Variants in MYO9A observed in about 807,000 individuals in gnomAD.
MYO9A encodes myosin IXA, also known as unconventional myosin-IXa.
In MYO9A, 103 loss-of-function variants were observed where a neutral mutation model predicts 293.3. The observed-to-expected ratio is 0.35, with a 90% CI of 0.30 to 0.41. The LOEUF is 0.41. MYO9A is among the 10% of genes least tolerant of loss of function. The probability of loss-of-function intolerance (pLI) is 1.00; values close to 1 mark genes in which losing one functional copy is unlikely to be tolerated. For synonymous variants in MYO9A, 1,001 were observed against 1,035.7 expected (o/e 0.97, Z 0.64); for missense variants, 2,685 against 3,033.0 (o/e 0.89, Z 2.69).
intron 1 of MYO9A, among the ~76,000 whole-genome samples, chr15:72,086,288 G>T (rs567426884): frequency 2.3e-4 from 35 of 152,306 alleles, no homozygotes; most frequent in African/African-American, 8.4e-4. Context: ...GGTGTTAGCC[G>T]GGTAGTGCTG....
chr15:71,913,666 C>T (rs1191659686), intron 19 of MYO9A, among the ~76,000 whole-genome samples: 1 of 152,022 alleles, frequency 6.6e-6, no homozygotes, highest in Non-Finnish European at 1.5e-5. Flanking sequence ...ATGTTAGACA[C>T]TGTGTTTTAC....
intron 19 of MYO9A, among the ~76,000 whole-genome samples, chr15:71,909,413 GGTGTTGTC>G (rs1306979695): frequency 3.3e-5 from 5 of 152,148 alleles, no homozygotes; most frequent in African/African-American, 1.2e-4. Flanking sequence ...ACCAGCATTT[GGTGTTGTC>G]ATTGTTTTGG....
intron 15 of MYO9A, among the ~76,000 whole-genome samples, chr15:71,945,381 T>C (rs1483076927): frequency 2.0e-5 from 3 of 152,136 alleles, no homozygotes; most frequent in East Asian, 1.9e-4. Context: ...CAGAAGGAAA[T>C]TGCAGTCTTT....
chr15:71,956,796 A>G (rs2059207871), intron 14 of MYO9A, among the ~76,000 whole-genome samples: 1 of 149,978 alleles, frequency 6.7e-6, no homozygotes, highest in Non-Finnish European at 1.5e-5. Context: ...ATATGTATAT[A>G]TGTATGCTAT....
chr15:72,102,452 CCT>C (rs1376052118), intron 1 of MYO9A, among the ~76,000 whole-genome samples: 3 of 148,590 alleles, frequency 2.0e-5, no homozygotes, highest in Admixed American at 6.7e-5. Flanking sequence ...GCCAAATCCC[CCT>C]CTGTGAGAAA....
At chr15:71,963,330 C>A (rs551753553) in intron 13 of MYO9A, among the ~76,000 whole-genome samples, 82 of 152,298 alleles carry the variant, frequency 5.4e-4, no homozygotes, top group African/African-American at 1.9e-3. Flanking sequence ...AGTGATCCAC[C>A]CACCTCGGCC....
At chr15:71,861,654 A>T (rs937322998) in intron 33 of MYO9A, among the ~76,000 whole-genome samples, 3 of 145,366 alleles carry the variant, frequency 2.1e-5, no homozygotes, top group African/African-American at 7.6e-5. Flanking sequence ...ACTATGTGCC[A>T]TCACCGTTTT....
chr15:71,859,485 C>A (rs985067136), intron 34 of MYO9A, among the ~76,000 whole-genome samples: 2 of 152,048 alleles, frequency 1.3e-5, no homozygotes, highest in African/African-American at 4.8e-5. Flanking sequence ...TTGTGGTTTA[C>A]GAAATTAATT....
In MYO9A at chr15:71,917,366, C is replaced by G. The variant is rs181032335; in HGVS notation, c.2563-874G>C. Among the ~76,000 whole-genome samples, 682 of 152,154 alleles carry G rather than the reference C, an allele frequency of 4.5e-3. 4 individuals are homozygous for G. Among genetic ancestry groups the G allele is most frequent in the Non-Finnish European group, 6.7e-3 (456 of 68,016 alleles). On this transcript the variant is annotated intron_variant, in intron 18 of 41. Transcript: ENST00000356056. The stretch of plus-strand genomic sequence containing the variant: ...CCTGGCTAACACAGTGAAACCCCGT[C>G]TCCACTAAAAATACAAAAATTAGGC...
intron 1 of MYO9A, among the ~76,000 whole-genome samples, chr15:72,063,663 G>A (rs542831510): frequency 7.4e-4 from 112 of 152,256 alleles, no homozygotes; most frequent in Middle Eastern, 6.8e-3. Context: ...ACAAATGCTG[G>A]CAAGGATGTA....
In MYO9A at chr15:72,118,018, G is replaced by A; in HGVS notation, c.-410C>T. 1 of 398,024 alleles carries A rather than the reference G, an allele frequency of 2.5e-6. No individual in the cohort carries two copies. Among genetic ancestry groups the A allele is most frequent in the Non-Finnish European group, 4.4e-6 (1 of 225,776 alleles). 24.7% of individuals were successfully genotyped at this position (398,024 alleles called of 1,614,324 possible). A position where few individuals can be genotyped will look rare whatever the true frequency, so the allele number is the denominator to read the frequency against. Reference sequence around the variant, plus strand: ...GCCGCCGCCTCTCGCAGTCCGGGCTGTCCTGTACTCTCTCAACAGACACAG... The same window carrying A: ...GCCGCCGCCTCTCGCAGTCCGGGCTATCCTGTACTCTCTCAACAGACACAG... On this transcript the variant is annotated 5_prime_UTR_variant, in exon 1 of 42. Transcript: ENST00000356056.
chr15:71,945,577 AT>A (rs1366801832), intron 15 of MYO9A, among the ~76,000 whole-genome samples: 2 of 152,020 alleles, frequency 1.3e-5, no homozygotes, highest in Non-Finnish European at 2.9e-5. Context: ...GGATATTACA[AT>A]TTTCTATAAT....
intron 17 of MYO9A, among the ~76,000 whole-genome samples, chr15:71,934,944 T>C (rs898184841): frequency 6.6e-6 from 1 of 152,020 alleles, no homozygotes; most frequent in Non-Finnish European, 1.5e-5. Flanking sequence ...TCACCATTTA[T>C]AGATTTTCTT....
At chr15:72,037,583 G>A (rs1596445475) in intron 2 of MYO9A, among the ~76,000 whole-genome samples, 1 of 152,200 alleles carries the variant, frequency 6.6e-6, no homozygotes, top group Admixed American at 6.5e-5. Context: ...GGCATTTAAG[G>A]AAATCCAAGT....
At chr15:71,861,834 G>A (rs1324022893) in intron 33 of MYO9A, among the ~76,000 whole-genome samples, 4 of 152,092 alleles carry the variant, frequency 2.6e-5, no homozygotes, top group Non-Finnish European at 4.4e-5. Flanking sequence ...AAAGAACAGA[G>A]AATTTCGGAG....
At chr15:72,015,069 G>A (rs1269504183) in intron 6 of MYO9A, among the ~76,000 whole-genome samples, 3 of 147,636 alleles carry the variant, frequency 2.0e-5, no homozygotes, top group African/African-American at 5.0e-5. Flanking sequence ...GGCTGGTCTC[G>A]AACTCCTGAC....
rs1164013567 is a variant in MYO9A at position 71,906,940 on chromosome 15, CT to C, written c.2686-1935del. Among the ~76,000 whole-genome samples the C allele has an allele frequency of 1.8e-3, 249 of 136,938 alleles. 1 individual carries two copies. The highest frequency in any genetic ancestry group is 0.01 in the East Asian group (48 of 4,732). 89.8% of individuals were successfully genotyped at this position (136,938 alleles called of 152,430 possible). On this transcript the variant is annotated intron_variant, in intron 19 of 41. Transcript: ENST00000356056. Reference sequence around the variant, plus strand: ...ACCACACCCGGCTAATTTTTTTTTTCTTTTTTTTTTTTATTATTATACTTTA... The same window carrying C: ...ACCACACCCGGCTAATTTTTTTTTTCTTTTTTTTTTTATTATTATACTTTA...
intron 39 of MYO9A, among the ~76,000 whole-genome samples, chr15:71,839,096 CT>C (rs1262587737): frequency 6.6e-6 from 1 of 152,122 alleles, no homozygotes; most frequent in Admixed American, 6.6e-5. Flanking sequence ...ATTTGCTCCC[CT>C]TTTCCCTTTT....
At chr15:71,901,146 C>A (rs1343117177) in intron 23 of MYO9A, 45 bp downstream of exon 23, 21 of 1,559,132 alleles carry the variant, frequency 1.3e-5, no homozygotes, top group Non-Finnish European at 1.6e-5. Context: ...AAACAAAGGC[C>A]AAATAAACTA....
Sources: gnomAD v4.1 joint callset for allele counts (sites outside exome capture counted in the v4.1 genomes callset) on GRCh38, gnomAD v4.1.1 for gene constraint, MANE v1.5 for transcripts, NCBI Gene and HGNC (gene_info 2026-07-23, HGNC 2026-07-21) for gene names.